The following ZNF653 variants were observed in gnomAD, a reference collection of about 807,000 sequenced individuals.
The protein encoded by ZNF653 is zinc finger protein 653, also known as 67 kDa zinc finger protein.
A neutral mutation model predicts 59.9 loss-of-function variants in ZNF653; 37 were observed. The observed-to-expected ratio is 0.62, with a 90% confidence interval of 0.48 to 0.81. The LOEUF is 0.81. ZNF653 is among the 40% of genes least tolerant of loss of function. ZNF653 has a pLI of 0.00. For missense variants in ZNF653, 808 were observed against 881.1 expected (o/e 0.92, Z 1.05); for synonymous variants, 435 against 371.8 (o/e 1.17, Z -1.96).
intron 1 of ZNF653, 183 bp downstream of exon 1, chr19:11,505,305 G>C: frequency 1.7e-6 from 1 of 582,130 alleles, no homozygotes; most frequent in Non-Finnish European, 2.7e-6. Context: ...GGAACGATGG[G>C]AGGCGGGGCC....
chr19:11,505,469 CG>C lies in ZNF653; in HGVS notation c.299+18del. The C allele has an allele frequency of 6.9e-7, 1 of 1,444,276 alleles. No homozygotes were observed. The highest frequency in any genetic ancestry group is 9.0e-7 in the Non-Finnish European group (1 of 1,110,836). 89.5% of individuals were successfully genotyped at this position (1,444,276 alleles called of 1,614,324 possible). On this transcript the variant is annotated intron_variant, in intron 1 of 8. Coordinates refer to ENST00000293771, the MANE Select transcript of ZNF653 (RefSeq NM_138783.4). ...GGGGGCGTCTCCTCCCTCCCTCCCT[CG>C]GGGCCAGGCCCCCTCACCCGTGGCG... is the stretch of plus-strand genomic sequence containing the variant.
intron 3 of ZNF653, among the ~76,000 whole-genome samples, chr19:11,490,553 A>AT (rs59221206): frequency 0.011 from 1,634 of 147,322 alleles, 30 homozygotes; most frequent in African/African-American, 0.035. Flanking sequence ...TGTCAGGCTA[A>AT]TTTTTTTTTT....
chr19:11,496,907 C>G (rs1971594528), intron 2 of ZNF653, among the ~76,000 whole-genome samples: 1 of 152,286 alleles, frequency 6.6e-6, no homozygotes, highest in East Asian at 1.9e-4. Context: ...CCCACAAGGC[C>G]CACTGTGACT....
intron 5 of ZNF653, 40 bp from the exon 6 acceptor site, chr19:11,486,920 A>G (rs760125586): frequency 1.9e-5 from 30 of 1,611,220 alleles, no homozygotes; most frequent in Non-Finnish European, 2.5e-5. Context: ...CTCCCGCACC[A>G]GGCAGGCTGG....
chr19:11,483,866 G>C lies in ZNF653; in HGVS notation c.1671-7C>G. 1 of 1,578,608 alleles carries C rather than the reference G, an allele frequency of 6.3e-7. No homozygotes were observed. The highest frequency in any genetic ancestry group is 8.6e-7 in the Non-Finnish European group (1 of 1,165,078). On this transcript the variant is annotated splice_region_variant and splice_polypyrimidine_tract_variant and intron_variant, in intron 8 of 8. Coordinates refer to ENST00000293771, the MANE Select transcript of ZNF653 (RefSeq NM_138783.4). ...GTAGCCACAGATCTCGCACCTGCCG[G>C]GAGCCCGTGGCGGGACGGGGCGGGG...
At chr19:11,500,449 C>T (rs554000922) in intron 1 of ZNF653, among the ~76,000 whole-genome samples, 1 of 152,290 alleles carries the variant, frequency 6.6e-6, no homozygotes, top group Non-Finnish European at 1.5e-5. Flanking sequence ...ATTCTTCTGC[C>T]TCAGCCTCCT....
chr19:11,497,190 G>A (rs902683041), intron 2 of ZNF653, among the ~76,000 whole-genome samples: 2 of 152,230 alleles, frequency 1.3e-5, no homozygotes, highest in Admixed American at 6.5e-5. Context: ...GATGCCATCT[G>A]TGGCCATTTG....
intron 3 of ZNF653, among the ~76,000 whole-genome samples, chr19:11,490,399 T>G (rs1216332259): frequency 6.6e-6 from 1 of 152,154 alleles, no homozygotes; most frequent in Non-Finnish European, 1.5e-5. Context: ...TGTTGTTTGT[T>G]TTTTTGAGAC....
intron 1 of ZNF653, among the ~76,000 whole-genome samples, chr19:11,499,211 G>T (rs960258252): frequency 6.6e-6 from 1 of 152,214 alleles, no homozygotes; most frequent in African/African-American, 2.4e-5. Context: ...TCAGGGAGCA[G>T]AGAAGTAACA....
intron 3 of ZNF653, among the ~76,000 whole-genome samples, chr19:11,492,693 C>T (rs1215260642): frequency 6.6e-6 from 1 of 152,138 alleles, no homozygotes; most frequent in Non-Finnish European, 1.5e-5. Flanking sequence ...CGCTTCCCCT[C>T]TAGAATGTAA....
chr19:11,494,371 ACAT>A (rs1362414593), intron 3 of ZNF653, among the ~76,000 whole-genome samples: 3 of 148,630 alleles, frequency 2.0e-5, no homozygotes, highest in East Asian at 1.9e-4. Flanking sequence ...ACATAACATA[ACAT>A]AACATAAAAC....
chr19:11,505,736 G>A lies in ZNF653; in HGVS notation c.51C>T (p.Gly17=), dbSNP rs1397700483. 7.0e-7 allele frequency: 1 copy of A among 1,427,884 alleles called. No individual in the cohort carries two copies. The allele number at this position is 1,427,884 out of a possible 1,614,324, so 88.5% of individuals were successfully genotyped here. A position where few individuals can be genotyped will look rare whatever the true frequency, so the allele number is the denominator to read the frequency against. Residue 17 remains glycine, a synonymous_variant, in exon 1 of 9, where the codon GGC becomes GGT. Coordinates refer to ENST00000293771, the MANE Select transcript of ZNF653 (RefSeq NM_138783.4). The part of the protein sequence containing the change: ...EPEAEAEAEA[G]AGGEAAAEEG... ...CCTCGGCTGCTGCCTCCCCGCCCGC[G>A]CCCGCCTCAGCCTCCGCCTCCGCCT...
chr19:11,484,172 G>A (rs1313763281), intron 7 of ZNF653, 31 bp from the exon 8 acceptor site: 35 of 1,502,230 alleles, frequency 2.3e-5, no homozygotes, highest in Non-Finnish European at 2.8e-5. Context: ...GGCTGAGGAC[G>A]GTGGGCTATG....
At position 11,483,476 on chromosome 19, in the gene ZNF653, G is replaced by A. The variant is rs913886717; in HGVS notation, c.*206C>T. 8 of 1,384,292 alleles carry A rather than the reference G, an allele frequency of 5.8e-6. No homozygotes were observed. In the South Asian group the frequency reaches 8.0e-5, roughly 14 times the overall value. The allele number at this position is 1,384,292 out of a possible 1,614,324, so 85.8% of individuals were successfully genotyped here. On this transcript the variant is annotated 3_prime_UTR_variant, in exon 9 of 9. Coordinates refer to ENST00000293771, the MANE Select transcript of ZNF653 (RefSeq NM_138783.4). ...ACTCTGCTCTCTTGACACAGTTCCA[G>A]CAATGCAGCCCCAGGCACCAGCTCC...
intron 1 of ZNF653, chr19:11,504,740 C>T (rs1599570963): frequency 5.5e-6 from 1 of 180,960 alleles, no homozygotes; most frequent in South Asian, 1.9e-4. Flanking sequence ...ACTTAGGGAA[C>T]CCACTACCTG....
intron 1 of ZNF653, among the ~76,000 whole-genome samples, chr19:11,499,243 G>C (rs945716435): frequency 2.0e-5 from 3 of 152,234 alleles, no homozygotes; most frequent in Non-Finnish European, 4.4e-5. Flanking sequence ...AAAAGTTTGT[G>C]TGGAAGCAGA....
At chr19:11,505,357 C>T (rs1049617960) in intron 1 of ZNF653, 131 bp downstream of exon 1, 8 of 987,776 alleles carry the variant, frequency 8.1e-6, no homozygotes, top group African/African-American at 3.5e-5. Flanking sequence ...GAGACCCAGG[C>T]CGCCGGCCCG....
In ZNF653 at chr19:11,494,507, T is replaced by C. The variant is rs371608482; in HGVS notation, c.559+1443A>G. 3.7e-4 allele frequency among the ~76,000 whole-genome samples: 56 copies of C among 152,024 alleles called. 1 individual carries two copies. The South Asian group carries it at 9.8e-3, about 26-fold the overall frequency. ...GGAGTTCAAGACCAGCCGGCCAACA[T>C]GGTGAAACCCAGTGTCTACTAAAAA... On this transcript the variant is annotated intron_variant, in intron 3 of 8. Coordinates refer to ENST00000293771, the MANE Select transcript of ZNF653 (RefSeq NM_138783.4).
intron 1 of ZNF653, among the ~76,000 whole-genome samples, chr19:11,503,579 G>A (rs563855783): frequency 3.3e-5 from 5 of 152,224 alleles, no homozygotes; most frequent in East Asian, 3.9e-4. Flanking sequence ...GGCTGAGGAC[G>A]GAGGATCCCT....
Sources: gnomAD v4.1 joint callset for allele counts (sites outside exome capture counted in the v4.1 genomes callset) on GRCh38, gnomAD v4.1.1 for gene constraint, MANE v1.5 for transcripts, NCBI Gene and HGNC (gene_info 2026-07-23, HGNC 2026-07-21) for gene names.